The following TFEB variants were observed in gnomAD, a reference collection of about 807,000 sequenced individuals.
TFEB encodes the protein transcription factor EB, also known as T-cell transcription factor EB.
Under a neutral mutation model 48.0 loss-of-function variants are expected in TFEB, and 12 were observed. The ratio of observed to expected loss-of-function variants is 0.25; its 90% confidence interval spans 0.16 to 0.40. The LOEUF is 0.40. Ranked by LOEUF, TFEB falls within the 10% of genes least tolerant of loss-of-function variation. The pLI is 1.00. For synonymous variants in TFEB, 244 were observed against 261.4 expected (o/e 0.93, Z 0.64); for missense variants, 509 against 640.3 (o/e 0.79, Z 2.21).
At position 41,691,045 on chromosome 6, in the gene TFEB, C is replaced by T. The variant is rs756401217; in HGVS notation, c.169G>A (p.Val57Ile). Residue 57 changes from valine to isoleucine, a missense_variant, in exon 2 of 9, where the codon GTC becomes ATC. By Grantham distance (29) the Val-to-Ile change is conservative. Transcript: ENST00000373033. The surrounding 1 kb of genome is among the most constrained non-coding windows in gnomAD (Gnocchi z 5.2). Reference sequence around the variant, plus strand: ...ACAGGTGGTGGCGACTGGAAGTGGACGGGGGTATTGATGGCCGGGGTGGGC... The same window carrying T: ...ACAGGTGGTGGCGACTGGAAGTGGATGGGGGTATTGATGGCCGGGGTGGGC... ...GPPTPAINTP[V>I]HFQSPPPVPG... is the part of the protein sequence containing the mutation. 6.4e-6 allele frequency: 10 copies of T among 1,573,756 alleles called. No homozygotes were observed. The highest frequency in any genetic ancestry group is 1.2e-5 in the South Asian group (1 of 86,770).
Position 41,684,454 on chromosome 6 carries a change from G to T in TFEB, c.*145C>A. 1 of 1,088,510 alleles carries T rather than the reference G, an allele frequency of 9.2e-7. No individual in the cohort carries two copies. The highest frequency in any genetic ancestry group is 1.2e-6 in the Non-Finnish European group (1 of 813,506). The allele number at this position is 1,088,510 out of a possible 1,614,324, so 67.4% of individuals were successfully genotyped here. A position where few individuals can be genotyped will look rare whatever the true frequency, so the allele number is the denominator to read the frequency against. The stretch of plus-strand genomic sequence containing the variant: ...CCACAGGCTGCCAGACAGGCACTAA[G>T]TCCAAACAGGGGCCAACGGGGAGGA... On this transcript the variant is annotated 3_prime_UTR_variant, in exon 9 of 9. Coordinates refer to ENST00000373033, the MANE Select transcript of TFEB (RefSeq NM_001271944.2).
chr6:41,732,942 G>A (rs1220644817), intron 1 of TFEB: 7 of 985,394 alleles, frequency 7.1e-6, no homozygotes, highest in Non-Finnish European at 8.4e-6. Context: ...GACAGCTGTG[G>A]TTGGGGAAAC....
At position 41,735,373 on chromosome 6, in the gene TFEB, C is replaced by T. The variant is rs1008627191; in HGVS notation, c.-46G>A. 8.1e-6 allele frequency: 8 copies of T among 985,478 alleles called. No homozygotes were observed. The highest frequency in any genetic ancestry group is 9.6e-6 in the Non-Finnish European group (8 of 830,388). The allele number at this position is 985,478 out of a possible 1,614,324, so 61.0% of individuals were successfully genotyped here. ...ACCTCGCTCTGAAGGTCAATCTGTC[C>T]GCCGCCCGCGCCCCGCGGCTCCGGC... On this transcript the variant is annotated 5_prime_UTR_variant, in exon 1 of 9. Coordinates refer to ENST00000373033, the MANE Select transcript of TFEB (RefSeq NM_001271944.2).
At position 41,715,392 on chromosome 6, in the gene TFEB, G is replaced by A. The variant is rs759582943; in HGVS notation, c.-23+19958C>T. Among the ~76,000 whole-genome samples, 8 of 152,284 alleles carry A rather than the reference G, an allele frequency of 5.3e-5. No homozygotes were observed. In the East Asian group the frequency reaches 5.8e-4, roughly 11 times the overall value. ...CACTCCCAAAAAAGTCTCATGAGCC[G>A]GGCGCAGTGGCTGACACCTGTCATC... On this transcript the variant is annotated intron_variant, in intron 1 of 8. Transcript: ENST00000373033.
chr6:41,721,228 G>A (rs1368181867), intron 1 of TFEB, among the ~76,000 whole-genome samples: 1 of 152,164 alleles, frequency 6.6e-6, no homozygotes, highest in Non-Finnish European at 1.5e-5. Context: ...CAGGCACCCT[G>A]GCCATAGCAC....
chr6:41,689,911 AC>A, intron 3 of TFEB, 100 bp from the exon 4 acceptor site: 8 of 791,536 alleles, frequency 1.0e-5, no homozygotes, highest in Non-Finnish European at 1.5e-5. Context: ...CTTGGAGCCC[AC>A]CTCACCCAAC....
At chr6:41,733,653 T>G in intron 1 of TFEB, 1 of 985,262 alleles carries the variant, frequency 1.0e-6, no homozygotes, top group Non-Finnish European at 1.2e-6. Context: ...ACCGGCATGG[T>G]GAAAGCATAC....
Position 41,690,851 on chromosome 6 carries a change from C to T in TFEB, c.280G>A (p.Glu94Lys). 1 of 1,611,292 alleles carries T rather than the reference C, an allele frequency of 6.2e-7. No homozygotes were observed. The highest frequency in any genetic ancestry group is 8.5e-7 in the Non-Finnish European group (1 of 1,177,982). Reference sequence around the variant, plus strand: ...TTCCCATAGGTCTCGGACAGGTACTCCCGCACCTTCTGATGCTGCGACTGC... The same window carrying T: ...TTCCCATAGGTCTCGGACAGGTACTTCCGCACCTTCTGATGCTGCGACTGC... ...LQQSQHQKVR[E>K]YLSETYGNKF... The change falls in exon 3 of 9, where the codon GAG becomes AAG. Residue 94 changes from glutamate (E) to lysine (K), a missense_variant. Glu to Lys is a moderately conservative substitution (Grantham distance 56). Coordinates refer to ENST00000373033, the MANE Select transcript of TFEB (RefSeq NM_001271944.2).
chr6:41,707,631 G>A (rs149208604), intron 1 of TFEB, among the ~76,000 whole-genome samples: 7 of 152,186 alleles, frequency 4.6e-5, no homozygotes, highest in African/African-American at 1.2e-4. Flanking sequence ...TATAGGGTGC[G>A]AGACCTGTAG....
intron 1 of TFEB, among the ~76,000 whole-genome samples, chr6:41,712,951 G>T (rs1216921795): frequency 6.6e-6 from 1 of 152,214 alleles, no homozygotes; most frequent in African/African-American, 2.4e-5. Context: ...ACTGGGAAAT[G>T]GGGACTCCTG....
intron 1 of TFEB, among the ~76,000 whole-genome samples, chr6:41,726,885 C>T (rs55866330): frequency 0.15 from 22,961 of 152,146 alleles, 1,809 homozygotes; most frequent in East Asian, 0.23. Context: ...TACCTAGTTT[C>T]GCAAAACACT....
At chr6:41,706,199 C>T (rs1326629209) in intron 1 of TFEB, among the ~76,000 whole-genome samples, 1 of 152,220 alleles carries the variant, frequency 6.6e-6, no homozygotes, top group Non-Finnish European at 1.5e-5. Context: ...AGGCCTGCCC[C>T]AACTGTCCCC....
At chr6:41,727,496 G>A (rs9394826) in intron 1 of TFEB, among the ~76,000 whole-genome samples, 3 of 152,190 alleles carry the variant, frequency 2.0e-5, no homozygotes, top group African/African-American at 7.2e-5. Context: ...TTTGAGACCA[G>A]CCTGGGCAAC....
At chr6:41,697,778 T>A (rs1230446743) in intron 1 of TFEB, among the ~76,000 whole-genome samples, 1 of 152,186 alleles carries the variant, frequency 6.6e-6, no homozygotes, top group African/African-American at 2.4e-5. Flanking sequence ...TTACGGTGTG[T>A]CCCTCCTGAT....
intron 1 of TFEB, among the ~76,000 whole-genome samples, chr6:41,702,337 G>A (rs1380123707): frequency 6.6e-6 from 1 of 152,206 alleles, no homozygotes; most frequent in African/African-American, 2.4e-5. Flanking sequence ...CTGGGTCGGA[G>A]GGGGCGGAAG....
Position 41,693,525 on chromosome 6 carries a change from G to T in TFEB, c.-22-2290C>A, listed in dbSNP as rs1769416163. ...AGAGGGTCTCCACACAGAGCAGGGA[G>T]GAAGCTTATTGCAGGCTGCCTGGCT... On this transcript the variant is annotated intron_variant, in intron 1 of 8. Transcript: ENST00000373033. Among the ~76,000 whole-genome samples, 4 of 152,118 alleles carry T rather than the reference G, an allele frequency of 2.6e-5. No individual in the cohort carries two copies. In the South Asian group the frequency reaches 6.2e-4, roughly 24 times the overall value.
At chr6:41,707,689 A>G (rs1770299181) in intron 1 of TFEB, among the ~76,000 whole-genome samples, 1 of 152,208 alleles carries the variant, frequency 6.6e-6, no homozygotes, top group Non-Finnish European at 1.5e-5. Flanking sequence ...GCCCAGGGGA[A>G]GAAGGCTCCT....
intron 1 of TFEB, among the ~76,000 whole-genome samples, chr6:41,711,595 C>T (rs1207979971): frequency 6.6e-6 from 1 of 152,148 alleles, no homozygotes; most frequent in Non-Finnish European, 1.5e-5. Flanking sequence ...TTGCTAAGAG[C>T]GCTGAGGTGG....
intron 1 of TFEB, among the ~76,000 whole-genome samples, chr6:41,706,862 TCA>T (rs201514779): frequency 6.6e-6 from 1 of 151,652 alleles, no homozygotes; most frequent in Non-Finnish European, 1.5e-5. Context: ...GAAGCAAAAT[TCA>T]CACACACACA....
Sources: gnomAD v4.1 joint callset for allele counts (sites outside exome capture counted in the v4.1 genomes callset) on GRCh38, gnomAD v4.1.1 for gene constraint, Gnocchi (gnomAD v3.1) non-coding constraint, MANE v1.5 for transcripts, NCBI Gene and HGNC (gene_info 2026-07-23, HGNC 2026-07-21) for gene names.